The following ROR2 variants were observed in gnomAD, a reference collection of about 807,000 sequenced individuals.
ROR2 encodes the protein tyrosine-protein kinase transmembrane receptor ROR2.
In ROR2, 33 loss-of-function variants were observed where a neutral mutation model predicts 74.9. The observed-to-expected ratio is 0.44, with a 90% CI of 0.33 to 0.59. The LOEUF (loss-of-function observed/expected upper bound fraction) is 0.59. Among genes scored for constraint, ROR2 ranks in the 20% least tolerant of loss-of-function variants. ROR2 has a pLI of 0.02. For missense variants in ROR2, 1,216 were observed against 1,313.8 expected, an observed-to-expected ratio of 0.93 and a Z score of 1.15; for synonymous variants, 586 against 558.7, an observed-to-expected ratio of 1.05 and a Z score of -0.69.
intron 1 of ROR2, among the ~76,000 whole-genome samples, chr9:91,915,261 A>G (rs1262909732): frequency 1.3e-5 from 2 of 152,168 alleles, no homozygotes; most frequent in Admixed American, 6.5e-5. Context: ...CATAGACACC[A>G]ACAGCAGCCC....
At chr9:91,908,529 C>T (rs1830874605) in intron 1 of ROR2, among the ~76,000 whole-genome samples, 1 of 152,016 alleles carries the variant, frequency 6.6e-6, no homozygotes, top group Non-Finnish European at 1.5e-5. Context: ...AACAACAACC[C>T]CAGGAGGTAG....
intron 1 of ROR2, among the ~76,000 whole-genome samples, chr9:91,876,756 C>A (rs922034892): frequency 6.6e-6 from 1 of 151,854 alleles, no homozygotes; most frequent in African/African-American, 2.4e-5. Context: ...AGGATTCCAA[C>A]ATTAAAAGGA....
chr9:91,855,734 G>C (rs947659763), intron 1 of ROR2, among the ~76,000 whole-genome samples: 2 of 152,128 alleles, frequency 1.3e-5, no homozygotes, highest in Admixed American at 6.6e-5. Flanking sequence ...GGGGTGGTAT[G>C]GGGGAGAAGC....
At chr9:91,878,143 T>G (rs1830006287) in intron 1 of ROR2, among the ~76,000 whole-genome samples, 1 of 152,138 alleles carries the variant, frequency 6.6e-6, no homozygotes, top group African/African-American at 2.4e-5. Flanking sequence ...AAAAACACCC[T>G]AGAGTAGCCC....
At chr9:91,807,432 T>C (rs1376497636) in intron 1 of ROR2, among the ~76,000 whole-genome samples, 13 of 152,238 alleles carry the variant, frequency 8.5e-5, no homozygotes, top group Non-Finnish European at 4.4e-5. Context: ...ATCTGGATCC[T>C]TTGTAATACC....
chr9:91,891,160 C>T (rs1227298430), intron 1 of ROR2, among the ~76,000 whole-genome samples: 5 of 152,134 alleles, frequency 3.3e-5, no homozygotes, highest in South Asian at 2.1e-4. Context: ...TATTAAGTTA[C>T]GGTTCTGTAC....
intron 1 of ROR2, among the ~76,000 whole-genome samples, chr9:91,779,206 G>A (rs1826526236): frequency 6.6e-6 from 1 of 151,726 alleles, no homozygotes; most frequent in African/African-American, 2.4e-5. Flanking sequence ...GTGTGTGGGG[G>A]CTCTATGTAC....
chr9:91,778,079 T>A (rs1271924351), intron 1 of ROR2, among the ~76,000 whole-genome samples: 2 of 152,210 alleles, frequency 1.3e-5, no homozygotes, highest in Non-Finnish European at 2.9e-5. Context: ...GCTCCCAAGG[T>A]GGGGCAATTT....
intron 1 of ROR2, among the ~76,000 whole-genome samples, chr9:91,858,932 T>C (rs1041508809): frequency 2.0e-5 from 3 of 152,144 alleles, no homozygotes; most frequent in African/African-American, 4.8e-5. Flanking sequence ...CGGGCTCTAT[T>C]GCCCACCTCC....
intron 1 of ROR2, among the ~76,000 whole-genome samples, chr9:91,849,030 GCGAC>G (rs1412895507): frequency 6.6e-6 from 1 of 152,098 alleles, no homozygotes; most frequent in African/African-American, 2.4e-5. Flanking sequence ...CAGTTCCACA[GCGAC>G]CACCCTCCAT....
chr9:91,833,315 G>A (rs144989186), intron 1 of ROR2, among the ~76,000 whole-genome samples: 1 of 152,270 alleles, frequency 6.6e-6, no homozygotes, highest in Non-Finnish European at 1.5e-5. Flanking sequence ...TCTGCAACAG[G>A]TCCTCATCCT....
intron 1 of ROR2, among the ~76,000 whole-genome samples, chr9:91,801,256 G>T (rs1199689777): frequency 6.6e-6 from 1 of 152,202 alleles, no homozygotes; most frequent in African/African-American, 2.4e-5. Flanking sequence ...AGCTCCAAAT[G>T]TTGCTTTGAG....
rs956696344 is a variant in ROR2 at position 91,788,204 on chromosome 9, C to G, written c.98-12386G>C. Among the ~76,000 whole-genome samples the G allele has an allele frequency of 3.3e-5, 5 of 151,478 alleles. No individual in the cohort carries two copies. In the East Asian group the frequency reaches 9.7e-4, roughly 29 times the overall value. ...ACAGAATGAAGAAAAATGAACAGAGCCTAAGAGACCCATAGGGCACTATCA... is the reference window on the plus strand; with the variant it reads ...ACAGAATGAAGAAAAATGAACAGAGGCTAAGAGACCCATAGGGCACTATCA... On this transcript the variant is annotated intron_variant, in intron 1 of 8. Transcript: ENST00000375708.
intron 1 of ROR2, among the ~76,000 whole-genome samples, chr9:91,875,721 G>A (rs1829936489): frequency 6.6e-6 from 1 of 152,186 alleles, no homozygotes. Flanking sequence ...GAGAGCTCCA[G>A]AAATGTACAG....
intron 4 of ROR2, among the ~76,000 whole-genome samples, chr9:91,750,188 C>T (rs1172430024): frequency 6.6e-6 from 1 of 152,186 alleles, no homozygotes; most frequent in Non-Finnish European, 1.5e-5. Flanking sequence ...AGGCATGAGC[C>T]GCTGCACCCG....
At chr9:91,913,086 G>A (rs1315345006) in intron 1 of ROR2, among the ~76,000 whole-genome samples, 6 of 152,092 alleles carry the variant, frequency 3.9e-5, no homozygotes, top group Admixed American at 1.3e-4. Flanking sequence ...TCGAGATCAC[G>A]CCACTGCACT....
intron 1 of ROR2, among the ~76,000 whole-genome samples, chr9:91,896,453 C>T (rs1682282283): frequency 1.3e-5 from 2 of 152,210 alleles, no homozygotes; most frequent in East Asian, 3.8e-4. Flanking sequence ...GTTTTTCCTT[C>T]GGCTTCTGGA....
intron 1 of ROR2, among the ~76,000 whole-genome samples, chr9:91,832,658 C>A (rs1034599492): frequency 6.6e-6 from 1 of 152,190 alleles, no homozygotes; most frequent in Non-Finnish European, 1.5e-5. Context: ...ACAGTTCCAG[C>A]CACCCTTCCC....
intron 1 of ROR2, among the ~76,000 whole-genome samples, chr9:91,878,685 G>A (rs778776421): frequency 9.2e-5 from 14 of 152,298 alleles, no homozygotes; most frequent in East Asian, 3.9e-4. Flanking sequence ...CACACTCAGC[G>A]GAAAGAGCCC....
Sources: allele counts gnomAD v4.1 joint callset (sites outside exome capture counted in the v4.1 genomes callset), GRCh38; gene constraint gnomAD v4.1.1; transcripts MANE v1.5; gene names NCBI Gene and HGNC (gene_info 2026-07-23, HGNC 2026-07-21).